Variants in TMEM117 observed in about 807,000 individuals in gnomAD.
The protein encoded by TMEM117 is transmembrane protein 117.
TMEM117 carries 27 observed loss-of-function variants against 52.4 expected under a neutral mutation model. The observed-to-expected ratio is 0.51, with a 90% CI of 0.38 to 0.71. The LOEUF is 0.71. Among genes scored for constraint, TMEM117 ranks in the 30% least tolerant of loss-of-function variants. The probability of loss-of-function intolerance (pLI) is 0.00; values close to 1 mark genes in which losing one functional copy is unlikely to be tolerated. For synonymous variants in TMEM117, 215 were observed against 206.3 expected, an observed-to-expected ratio of 1.04 and a Z score of -0.36; for missense variants, 556 against 630.5, an observed-to-expected ratio of 0.88 and a Z score of 1.26.
chr12:43,815,861 G>C, the TMEM117 span, among the ~76,000 whole-genome samples: 1 of 152,224 alleles, frequency 6.6e-6, no homozygotes, highest in African/African-American at 2.4e-5. Flanking sequence ...CACAAGGGCA[G>C]GAAGGCAGTG....
chr12:44,063,325 G>A (rs1248508462), intron 3 of TMEM117, among the ~76,000 whole-genome samples: 1 of 152,098 alleles, frequency 6.6e-6, no homozygotes, highest in Non-Finnish European at 1.5e-5. Context: ...GCATAACCTT[G>A]AATATCTTAT....
intron 3 of TMEM117, among the ~76,000 whole-genome samples, chr12:44,116,994 G>A (rs748026497): frequency 2.8e-4 from 43 of 152,208 alleles, no homozygotes; most frequent in Middle Eastern, 3.4e-3. Context: ...TGTATCATCT[G>A]GCATCCAAGC....
intron 2 of TMEM117, among the ~76,000 whole-genome samples, chr12:43,847,305 G>T (rs1306248060): frequency 6.6e-6 from 1 of 152,170 alleles, no homozygotes; most frequent in East Asian, 1.9e-4. Context: ...ATAGGCATGG[G>T]TGAGATAAAG....
intron 5 of TMEM117, among the ~76,000 whole-genome samples, chr12:44,247,899 G>A (rs778170275): frequency 7.2e-5 from 11 of 152,270 alleles, no homozygotes; most frequent in East Asian, 3.9e-4. Flanking sequence ...CTCTCCCACC[G>A]CCTTGCCTGT....
Position 44,323,140 on chromosome 12 carries a change from G to A in TMEM117, c.768+23401G>A, listed in dbSNP as rs556781112. Among the ~76,000 whole-genome samples the A allele has an allele frequency of 2.6e-5, 4 of 152,230 alleles. 1 individual carries two copies. The highest frequency in any genetic ancestry group is 9.6e-5 in the African/African-American group (4 of 41,562). On this transcript the variant is annotated intron_variant, in intron 6 of 7. Coordinates refer to ENST00000266534, the MANE Select transcript of TMEM117 (RefSeq NM_032256.3). ...AGGTGACCTCTACAATCAATAAAAG[G>A]CAAAGAAGCACATTCTTCCTTAGAG... is the stretch of plus-strand genomic sequence containing the variant.
intron 6 of TMEM117, among the ~76,000 whole-genome samples, chr12:44,332,008 T>C (rs1324349590): frequency 6.6e-6 from 1 of 152,076 alleles, no homozygotes; most frequent in Non-Finnish European, 1.5e-5. Context: ...AATCATCAAC[T>C]CTGTGCTAGA....
At position 43,948,665 on chromosome 12, in the gene TMEM117, C is replaced by T. The variant is rs147608474; in HGVS notation, c.410+4323C>T. The stretch of plus-strand genomic sequence containing the variant: ...CTGAGGAGAAGGTGCTGATTCTGGG[C>T]ATAGTTTTGCATGTAGCCATTTTAT... On this transcript the variant is annotated intron_variant, in intron 3 of 7. Coordinates refer to ENST00000266534, the MANE Select transcript of TMEM117 (RefSeq NM_032256.3). Among the ~76,000 whole-genome samples the T allele has an allele frequency of 3.9e-3, 595 of 152,162 alleles. 4 individuals carry two copies. The highest frequency in any genetic ancestry group is 0.013 in the African/African-American group (549 of 41,504).
At chr12:43,949,942 G>A (rs77588874) in intron 3 of TMEM117, among the ~76,000 whole-genome samples, 2,532 of 152,258 alleles carry the variant, frequency 0.017, 26 homozygotes, top group Middle Eastern at 0.031. Context: ...CCCAGTTTCA[G>A]GTTCTTACTT....
chr12:43,912,466 G>T (rs7974046), intron 2 of TMEM117, among the ~76,000 whole-genome samples: 107,346 of 145,880 alleles, frequency 0.74, 42,014 homozygotes, highest in East Asian at 0.88. Context: ...CCTGCGCGTT[G>T]TGCACATGTA....
intron 3 of TMEM117, among the ~76,000 whole-genome samples, chr12:43,946,199 G>C (rs1945128702): frequency 6.6e-6 from 1 of 152,114 alleles, no homozygotes; most frequent in Non-Finnish European, 1.5e-5. Flanking sequence ...GTAATGATTG[G>C]AGTTAGCTAA....
At chr12:44,000,889 A>G (rs899090381) in intron 3 of TMEM117, among the ~76,000 whole-genome samples, 4 of 152,136 alleles carry the variant, frequency 2.6e-5, no homozygotes, top group Admixed American at 2.0e-4. Flanking sequence ...GTTTGCAGAG[A>G]TGATTCCTGG....
intron 3 of TMEM117, among the ~76,000 whole-genome samples, chr12:44,044,015 T>C (rs1182961459): frequency 2.0e-5 from 3 of 152,212 alleles, no homozygotes; most frequent in Non-Finnish European, 4.4e-5. Flanking sequence ...TGGAAATGCC[T>C]GCCCTCCCTT....
At chr12:44,308,343 C>A (rs1950929308) in intron 6 of TMEM117, among the ~76,000 whole-genome samples, 1 of 152,130 alleles carries the variant, frequency 6.6e-6, no homozygotes, top group East Asian at 1.9e-4. Context: ...GCTTGACCAT[C>A]GCTCTGAAAA....
At chr12:43,877,064 A>G (rs1478974167) in intron 2 of TMEM117, among the ~76,000 whole-genome samples, 1 of 151,926 alleles carries the variant, frequency 6.6e-6, no homozygotes, top group African/African-American at 2.4e-5. Flanking sequence ...AGTTTTCTTG[A>G]ATTTGGGGTG....
chr12:44,211,210 G>T, intron 4 of TMEM117, 80 bp from the exon 5 acceptor site: 4 of 933,028 alleles, frequency 4.3e-6, no homozygotes, highest in Non-Finnish European at 6.8e-6. Flanking sequence ...GTTCTCAATA[G>T]AATGTAAATT....
intron 6 of TMEM117, among the ~76,000 whole-genome samples, chr12:44,318,110 G>A (rs560053183): frequency 1.1e-4 from 17 of 152,156 alleles, no homozygotes; most frequent in Non-Finnish European, 2.5e-4. Context: ...TGTAGCATAG[G>A]GGGCCGTACT....
chr12:44,169,307 A>G (rs1949012330), intron 4 of TMEM117, among the ~76,000 whole-genome samples: 1 of 152,230 alleles, frequency 6.6e-6, no homozygotes. Context: ...AATTGCTACC[A>G]GCAATGCACA....
chr12:43,824,533 A>C, the TMEM117 span, among the ~76,000 whole-genome samples: 1 of 152,218 alleles, frequency 6.6e-6, no homozygotes, highest in Non-Finnish European at 1.5e-5. Flanking sequence ...AGCCTGTTTC[A>C]TGTGATTTTC....
At chr12:44,004,243 G>C (rs1463980835) in intron 3 of TMEM117, among the ~76,000 whole-genome samples, 1 of 152,178 alleles carries the variant, frequency 6.6e-6, no homozygotes, top group African/African-American at 2.4e-5. Flanking sequence ...ACAGGGGTAA[G>C]CAGCTTTGGG....
Sources: gnomAD v4.1 joint callset for allele counts (sites outside exome capture counted in the v4.1 genomes callset) on GRCh38, gnomAD v4.1.1 for gene constraint, MANE v1.5 for transcripts, NCBI Gene and HGNC (gene_info 2026-07-23, HGNC 2026-07-21) for gene names.